Variants in KCNQ1 observed in about 807,000 individuals in gnomAD.
KCNQ1 encodes the protein potassium voltage-gated channel subfamily Q member 1.
KCNQ1 carries 49 observed loss-of-function variants against 72.4 expected under a neutral mutation model. That is an observed-to-expected ratio of 0.68 (90% CI 0.54 to 0.86). The LOEUF (loss-of-function observed/expected upper bound fraction) is 0.86, where lower values mean the gene tolerates loss of function less well. KCNQ1 is among the 40% of genes least tolerant of loss of function. The pLI is 0.00. For synonymous variants in KCNQ1, 450 were observed against 412.6 expected, an observed-to-expected ratio of 1.09 and a Z score of -1.10; for missense variants, 790 against 945.1, an observed-to-expected ratio of 0.84 and a Z score of 2.15.
intron 11 of KCNQ1, chr11:2,692,379 C>T (rs1392834178): frequency 2.5e-6 from 1 of 398,748 alleles, no homozygotes; most frequent in African/African-American, 2.1e-5. Context: ...TTCTCACATC[C>T]CCTGCCCCAT....
chr11:2,580,852 C>T (rs1316297336), intron 6 of KCNQ1, among the ~76,000 whole-genome samples: 2 of 152,316 alleles, frequency 1.3e-5, no homozygotes, highest in Admixed American at 6.5e-5. Context: ...CTTGGGCCTG[C>T]GCTGGGCTGC....
intron 11 of KCNQ1, among the ~76,000 whole-genome samples, chr11:2,739,272 T>A (rs561722714): frequency 6.6e-6 from 1 of 152,134 alleles, no homozygotes; most frequent in African/African-American, 2.4e-5. Context: ...CTGTGTGAGG[T>A]ACTGAGAGCC....
At position 2,712,555 on chromosome 11, in the gene KCNQ1, A is replaced by G. The variant is rs1851023825; in HGVS notation, c.1514+50474A>G. Among the ~76,000 whole-genome samples the G allele has an allele frequency of 6.6e-6, 1 of 152,140 alleles. No individual in the cohort carries two copies. Among genetic ancestry groups the G allele is most frequent in the Non-Finnish European group, 1.5e-5 (1 of 67,992 alleles). On this transcript the variant is annotated intron_variant, in intron 11 of 15. Transcript: ENST00000155840. This position sits in a 1 kb window ranked among gnomAD's most constrained non-coding sequence, Gnocchi z 6.4. ...GCCAGACACCGCCCCAGCTGAATGC[A>G]TGCTGGCGGCCCAAATGTTAGACAC...
rs1465608865 is a variant in KCNQ1 at position 2,713,058 on chromosome 11, G to A, written c.1514+50977G>A. On this transcript the variant is annotated intron_variant, in intron 11 of 15. Transcript: ENST00000155840. The surrounding 1 kb of genome is among the most constrained non-coding windows in gnomAD (Gnocchi z 5.6). ...GGCACCCAGAAGGCAGCAGGCTAAC[G>A]ACTCCCCATGAAATTAACAACTTTG... Among the ~76,000 whole-genome samples, 10 of 152,278 alleles carry A rather than the reference G, an allele frequency of 6.6e-5. No homozygotes were observed. Among genetic ancestry groups the A allele is most frequent in the Middle Eastern group, 3.4e-3 (1 of 294 alleles).
rs574073192 is a variant in KCNQ1, at chr11:2,654,140, A to G, written c.1394-7821A>G. 179 of 398,514 alleles carry G rather than the reference A, an allele frequency of 4.5e-4. 1 individual carries two copies. The highest frequency in any genetic ancestry group is 1.8e-4 in the Non-Finnish European group (40 of 225,960). 24.7% of individuals were successfully genotyped at this position (398,514 alleles called of 1,614,324 possible). The stretch of plus-strand genomic sequence containing the variant: ...GGTGGTGGCGGGGCCACTCTGGCTC[A>G]GGGTCTATGAGCCGGGCATGGGCAG... On this transcript the variant is annotated intron_variant, in intron 10 of 15. Transcript: ENST00000155840. The surrounding 1 kb of genome is among the most constrained non-coding windows in gnomAD (Gnocchi z 6.4).
chr11:2,479,840 C>T lies in KCNQ1; in HGVS notation c.386+34356C>T, dbSNP rs546956382. On this transcript the variant is annotated intron_variant, in intron 1 of 15. Transcript: ENST00000155840. This position sits in a 1 kb window ranked among gnomAD's most constrained non-coding sequence, Gnocchi z 4.6. Reference sequence around the variant, plus strand: ...TTTTCTGAACTTTTATCTCTGTTTCCCTTTCAAAACTGAATGCTTTTAACA... The same window carrying T: ...TTTTCTGAACTTTTATCTCTGTTTCTCTTTCAAAACTGAATGCTTTTAACA... 6.6e-6 allele frequency among the ~76,000 whole-genome samples: 1 copy of T among 152,252 alleles called. No individual in the cohort carries two copies. The highest frequency in any genetic ancestry group is 1.9e-4 in the East Asian group (1 of 5,182).
rs751907111 is a variant in KCNQ1 at position 2,627,407 on chromosome 11, C to T, written c.1394-34554C>T. On this transcript the variant is annotated intron_variant, in intron 10 of 15. Coordinates refer to ENST00000155840, the MANE Select transcript of KCNQ1 (RefSeq NM_000218.3). The surrounding 1 kb of genome is among the most constrained non-coding windows in gnomAD (Gnocchi z 4.9). ...ACCAATCTGGACGTTATGTCAAGAACTTATTCATCTGATAACTCTATGTTT... is the reference window on the plus strand; with the variant it reads ...ACCAATCTGGACGTTATGTCAAGAATTTATTCATCTGATAACTCTATGTTT... 142 of 398,362 alleles carry T rather than the reference C, an allele frequency of 3.6e-4. No individual in the cohort carries two copies. Among genetic ancestry groups the T allele is most frequent in the Non-Finnish European group, 5.6e-4 (127 of 226,034 alleles). The allele number at this position is 398,362 out of a possible 1,614,324, so 24.7% of individuals were successfully genotyped here.
At chr11:2,819,198 C>T (rs1471737311) in intron 15 of KCNQ1, among the ~76,000 whole-genome samples, 1 of 152,230 alleles carries the variant, frequency 6.6e-6, no homozygotes, top group Non-Finnish European at 1.5e-5. Context: ...AAAGTCCCTC[C>T]TCCCAAGGGC....
intron 1 of KCNQ1, among the ~76,000 whole-genome samples, chr11:2,504,895 A>G (rs369217525): frequency 3.0e-4 from 45 of 152,324 alleles, no homozygotes; most frequent in African/African-American, 1.0e-3. Flanking sequence ...TGGACCCCAT[A>G]AACCTATACA....
intron 15 of KCNQ1, among the ~76,000 whole-genome samples, chr11:2,778,591 G>A (rs563330514): frequency 3.4e-4 from 51 of 152,220 alleles, no homozygotes; most frequent in African/African-American, 1.1e-3. Flanking sequence ...CCCTCAGGCC[G>A]GAGCCTCTCC....
At chr11:2,548,424 T>C (rs184181490) in intron 2 of KCNQ1, among the ~76,000 whole-genome samples, 4 of 152,368 alleles carry the variant, frequency 2.6e-5, no homozygotes, top group African/African-American at 7.2e-5. Context: ...TCTGACTTAT[T>C]TGAAAGATTT....
intron 1 of KCNQ1, among the ~76,000 whole-genome samples, chr11:2,469,102 A>C (rs1053489546): frequency 1.3e-5 from 2 of 151,960 alleles, no homozygotes; most frequent in Non-Finnish European, 2.9e-5. Context: ...AATTTTAGCC[A>C]ATCTAACAGG....
chr11:2,546,542 G>A (rs2133686653), intron 2 of KCNQ1, among the ~76,000 whole-genome samples: 1 of 152,220 alleles, frequency 6.6e-6, no homozygotes, highest in Admixed American at 6.5e-5. Context: ...TCATTCTTGG[G>A]AGAAGGATGT....
intron 15 of KCNQ1, among the ~76,000 whole-genome samples, chr11:2,838,553 C>G (rs1038992295): frequency 2.0e-5 from 3 of 152,110 alleles, no homozygotes; most frequent in Non-Finnish European, 4.4e-5. Context: ...TTGTGGACTT[C>G]CGGGGACAGC....
At chr11:2,614,787 T>C (rs1849034952) in intron 10 of KCNQ1, 1 of 398,382 alleles carries the variant, frequency 2.5e-6, no homozygotes, top group South Asian at 1.3e-4. Flanking sequence ...ATTGTTTTGA[T>C]TACTGCAGCT....
At chr11:2,757,383 G>A (rs1846320932) in intron 11 of KCNQ1, among the ~76,000 whole-genome samples, 1 of 152,148 alleles carries the variant, frequency 6.6e-6, no homozygotes, top group African/African-American at 2.4e-5. Context: ...ATGTAAAGAT[G>A]TATATACTAA....
chr11:2,501,711 G>A (rs1490811472), intron 1 of KCNQ1, among the ~76,000 whole-genome samples: 4 of 38,984 alleles, frequency 1.0e-4, no homozygotes, highest in Admixed American at 4.1e-4. Context: ...ACCAGACAAA[G>A]ATACATCAAA....
chr11:2,756,951 T>TAAAAAAAAAAAAA (rs58284663), intron 11 of KCNQ1, among the ~76,000 whole-genome samples: 2 of 50,996 alleles, frequency 3.9e-5, no homozygotes, highest in African/African-American at 1.3e-4. Flanking sequence ...AAGAGCATCT[T>TAAAAAAAAAAAAA]AAAAAAAAAA....
At position 2,592,156 on chromosome 11, in the gene KCNQ1, C is replaced by T. The variant is rs1848679041; in HGVS notation, c.1393+3302C>T. On this transcript the variant is annotated intron_variant, in intron 10 of 15. Coordinates refer to ENST00000155840, the MANE Select transcript of KCNQ1 (RefSeq NM_000218.3). The surrounding 1 kb of genome is among the most constrained non-coding windows in gnomAD (Gnocchi z 5.2). ...GCTGCTACCTGTCTGCGCCATCCAC[C>T]TGCACACAAGCCCCTTCAGCTCGTG... is the stretch of plus-strand genomic sequence containing the variant. 6.6e-6 allele frequency among the ~76,000 whole-genome samples: 1 copy of T among 152,268 alleles called. No homozygotes were observed. The highest frequency in any genetic ancestry group is 2.4e-5 in the African/African-American group (1 of 41,478).
Sources: allele counts gnomAD v4.1 joint callset (sites outside exome capture counted in the v4.1 genomes callset), GRCh38; gene constraint gnomAD v4.1.1; non-coding constraint Gnocchi (gnomAD v3.1); transcripts MANE v1.5; gene names NCBI Gene and HGNC (gene_info 2026-07-23, HGNC 2026-07-21).